Variants in NFATC1 observed in about 807,000 individuals in gnomAD.
NFATC1 encodes the protein nuclear factor of activated T cells 1, also known as nuclear factor of activated T-cells, cytoplasmic 1.
NFATC1 carries 22 observed loss-of-function variants against 76.0 expected under a neutral mutation model. The observed-to-expected ratio is 0.29, with a 90% CI of 0.21 to 0.41. The LOEUF (loss-of-function observed/expected upper bound fraction) is 0.41, where lower values mean the gene tolerates loss of function less well. Among genes scored for constraint, NFATC1 ranks in the 10% least tolerant of loss-of-function variants. The probability of loss-of-function intolerance (pLI) is 1.00; values close to 1 mark genes in which losing one functional copy is unlikely to be tolerated. For synonymous variants in NFATC1, 704 were observed against 613.1 expected (o/e 1.15, Z -2.19); for missense variants, 1,357 against 1,337.7 (o/e 1.01, Z -0.23).
intron 8 of NFATC1, among the ~76,000 whole-genome samples, chr18:79,483,665 G>A (rs529017687): frequency 7.0e-6 from 1 of 142,780 alleles, no homozygotes; most frequent in Non-Finnish European, 1.5e-5. Context: ...TAATTCCAGC[G>A]TGACCTTGTC....
chr18:79,524,507 C>T lies in NFATC1; in HGVS notation c.2783-3021C>T, dbSNP rs1393868435. Among the ~76,000 whole-genome samples the T allele has an allele frequency of 2.0e-5, 3 of 152,226 alleles. No homozygotes were observed. The highest frequency in any genetic ancestry group is 1.9e-4 in the East Asian group (1 of 5,196). On this transcript the variant is annotated intron_variant, in intron 9 of 9. Coordinates refer to ENST00000427363, the MANE Select transcript of NFATC1 (RefSeq NM_001278669.2). The surrounding 1 kb of genome is among the most constrained non-coding windows in gnomAD (Gnocchi z 7.2). ...CCTGGGCTGTGTCTGGTCCCGGCCACGCGTCCCTGCAGCGTCTGAGACCTT... is the reference window on the plus strand; with the variant it reads ...CCTGGGCTGTGTCTGGTCCCGGCCATGCGTCCCTGCAGCGTCTGAGACCTT...
intron 8 of NFATC1, among the ~76,000 whole-genome samples, chr18:79,474,932 G>A (rs1370795242): frequency 7.5e-6 from 1 of 132,992 alleles, no homozygotes; most frequent in Admixed American, 7.3e-5. Context: ...CGCTGTCAAC[G>A]TAAACCTGAG....
chr18:79,426,556 C>T (rs1170924984), intron 2 of NFATC1, among the ~76,000 whole-genome samples: 5 of 150,192 alleles, frequency 3.3e-5, no homozygotes, highest in Non-Finnish European at 3.0e-5. Context: ...GGCTCACACT[C>T]GGCAGTTCTG....
intron 9 of NFATC1, among the ~76,000 whole-genome samples, chr18:79,519,958 G>A (rs62096924): frequency 0.044 from 6,707 of 152,260 alleles, 228 homozygotes; most frequent in Admixed American, 0.076. Flanking sequence ...CTGGACGGGC[G>A]AGATAAGTGG....
intron 8 of NFATC1, 198 bp downstream of exon 8, chr18:79,467,780 CCT>C: frequency 9.5e-7 from 1 of 1,053,272 alleles, no homozygotes; most frequent in Non-Finnish European, 1.1e-6. Flanking sequence ...TTCCTTGATC[CCT>C]GTTGGGGGTG....
At chr18:79,467,027 T>C (rs2088534393) in intron 7 of NFATC1, among the ~76,000 whole-genome samples, 3 of 152,190 alleles carry the variant, frequency 2.0e-5, no homozygotes, top group Admixed American at 2.0e-4. Flanking sequence ...AGGCACCCGG[T>C]CCCAGTTCTG....
At chr18:79,444,146 A>G (rs1156911525) in intron 3 of NFATC1, among the ~76,000 whole-genome samples, 1 of 152,244 alleles carries the variant, frequency 6.6e-6, no homozygotes, top group Non-Finnish European at 1.5e-5. Context: ...AGAACTTCCC[A>G]GAGAGCAGTG....
At chr18:79,446,431 AT>A (rs1166442613) in intron 3 of NFATC1, among the ~76,000 whole-genome samples, 2 of 151,962 alleles carry the variant, frequency 1.3e-5, no homozygotes, top group African/African-American at 4.8e-5. Context: ...ACTCATTTAC[AT>A]TTTTTTCTAT....
chr18:79,426,591 G>T (rs2086344531), intron 2 of NFATC1, among the ~76,000 whole-genome samples: 1 of 133,440 alleles, frequency 7.5e-6, no homozygotes, highest in African/African-American at 3.0e-5. Flanking sequence ...CACCTCCATG[G>T]GAGCACCGTC....
At chr18:79,430,531 C>T (rs1396041288) in intron 2 of NFATC1, among the ~76,000 whole-genome samples, 2 of 152,178 alleles carry the variant, frequency 1.3e-5, no homozygotes, top group East Asian at 1.9e-4. Context: ...TACAGGCACT[C>T]GCCACCATGC....
chr18:79,427,443 ACGGC>A (rs1404621789), intron 2 of NFATC1, among the ~76,000 whole-genome samples: 3 of 68,448 alleles, frequency 4.4e-5, no homozygotes, highest in African/African-American at 6.9e-5. Flanking sequence ...GGGGAGCTGG[ACGGC>A]TGGCCTCTGT....
intron 2 of NFATC1, among the ~76,000 whole-genome samples, chr18:79,428,036 G>A (rs2086458371): frequency 6.8e-6 from 1 of 148,020 alleles, no homozygotes; most frequent in African/African-American, 2.5e-5. Flanking sequence ...TGTGCAGTGG[G>A]GGCAGGCGCT....
intron 9 of NFATC1, chr18:79,493,378 C>T (rs1454573735): frequency 6.6e-6 from 1 of 152,266 alleles, no homozygotes; most frequent in Non-Finnish European, 1.5e-5. Flanking sequence ...AAGTGGGCAC[C>T]CCTCCTCCAG....
At chr18:79,491,729 T>C (rs1174848585) in intron 9 of NFATC1, among the ~76,000 whole-genome samples, 2 of 152,184 alleles carry the variant, frequency 1.3e-5, no homozygotes, top group African/African-American at 4.8e-5. Flanking sequence ...AGATTTAGTC[T>C]CCAGCCCTCT....
intron 8 of NFATC1, among the ~76,000 whole-genome samples, chr18:79,477,978 G>A (rs1309512396): frequency 2.0e-5 from 3 of 152,124 alleles, no homozygotes; most frequent in Non-Finnish European, 4.4e-5. Context: ...TCACGCGGAC[G>A]GGGGTTAGGG....
rs763456269 is a variant in NFATC1 at position 79,410,470 on chromosome 18, G to C, written c.195G>C (p.Leu65=). The change falls in exon 2 of 10, where the codon CTG becomes CTC. Residue 65 remains leucine, a synonymous_variant. Coordinates refer to ENST00000427363, the MANE Select transcript of NFATC1 (RefSeq NM_001278669.2). The surrounding 1 kb of genome is among the most constrained non-coding windows in gnomAD (Gnocchi z 6.7). The stretch of plus-strand genomic sequence containing the variant: ...CGCTCCCCACGGCGCACTCCACCCT[G>C]CCGGCCCCGTGCCACAACCTTCAGA... The part of the protein sequence containing the change: ...ALPLPTAHST[L]PAPCHNLQTS... 5.1e-5 allele frequency: 82 copies of C among 1,612,120 alleles called. No individual in the cohort carries two copies. The highest frequency in any genetic ancestry group is 6.6e-5 in the Non-Finnish European group (78 of 1,179,862).
chr18:79,422,314 C>T (rs770801105), intron 2 of NFATC1: 6 of 152,282 alleles, frequency 3.9e-5, no homozygotes, highest in Non-Finnish European at 5.9e-5. Context: ...GTCGGAGGCC[C>T]CCCACTGCCA....
At chr18:79,424,151 G>C (rs928809653) in intron 2 of NFATC1, among the ~76,000 whole-genome samples, 6 of 152,262 alleles carry the variant, frequency 3.9e-5, no homozygotes, top group African/African-American at 1.2e-4. Flanking sequence ...GCGTCCAGCG[G>C]CCAGGCCCAG....
At chr18:79,516,557 G>T (rs780457550) in intron 9 of NFATC1, among the ~76,000 whole-genome samples, 2 of 152,134 alleles carry the variant, frequency 1.3e-5, no homozygotes, top group Non-Finnish European at 2.9e-5. Flanking sequence ...AGCGCCGGGC[G>T]CCCAGCAGTG....
Sources: allele counts gnomAD v4.1 joint callset (sites outside exome capture counted in the v4.1 genomes callset), GRCh38; gene constraint gnomAD v4.1.1; non-coding constraint Gnocchi (gnomAD v3.1); transcripts MANE v1.5; gene names NCBI Gene and HGNC (gene_info 2026-07-23, HGNC 2026-07-21).